SLC26A9: variants seen among roughly 807,000 people sequenced by gnomAD.
SLC26A9 encodes the protein anion transporter/exchanger protein 9.
Under a neutral mutation model 87.1 loss-of-function variants are expected in SLC26A9, and 46 were observed. The ratio of observed to expected loss-of-function variants is 0.53; its 90% CI spans 0.42 to 0.67. SLC26A9 has a LOEUF of 0.67. Among genes scored for constraint, SLC26A9 ranks in the 30% least tolerant of loss-of-function variants. The pLI, the probability that SLC26A9 is intolerant of heterozygous loss-of-function variation, is 0.00. For synonymous variants in SLC26A9, 437 were observed against 409.1 expected (o/e 1.07, Z -0.82); for missense variants, 927 against 1,018.3 (o/e 0.91, Z 1.22).
intron 12 of SLC26A9, 80 bp downstream of exon 12, chr1:205,926,455 T>C: frequency 1.7e-6 from 2 of 1,199,322 alleles, no homozygotes; most frequent in Non-Finnish European, 2.5e-6. Context: ...GGTTCATTGT[T>C]AGGACAGGGC....
chr1:205,925,254 G>A lies in SLC26A9; in HGVS notation c.1390-765C>T, dbSNP rs375732406. ...GTTCCCTCTCTCTGTCTCACAGCGA[G>A]CTGCGTGGGCCCTGACAGGAGCTCA... is the stretch of plus-strand genomic sequence containing the variant. On this transcript the variant is annotated intron_variant, in intron 12 of 20. Transcript: ENST00000367135. Among the ~76,000 whole-genome samples the A allele has an allele frequency of 1.4e-3, 220 of 152,370 alleles. 2 individuals are homozygous for A. In the South Asian group the frequency reaches 0.015, roughly 10 times the overall value.
chr1:205,918,803 C>T (rs2102572109), intron 19 of SLC26A9, 37 bp downstream of exon 19: 1 of 1,596,398 alleles, frequency 6.3e-7, no homozygotes, highest in Admixed American at 1.7e-5. Context: ...ATTTCAGTGC[C>T]TTGGAGCCTA....
At chr1:205,929,086 C>A in intron 7 of SLC26A9, 118 bp downstream of exon 7, 2 of 1,508,126 alleles carry the variant, frequency 1.3e-6, no homozygotes, top group Admixed American at 1.9e-5. Context: ...GGGATGGATT[C>A]ACAACTGACT....
rs530674451 is a variant in SLC26A9 at position 205,943,012 on chromosome 1, C to T, written c.-19+353G>A. Among the ~76,000 whole-genome samples the T allele has an allele frequency of 1.5e-4, 23 of 152,310 alleles. No homozygotes were observed. The South Asian group carries it at 2.7e-3, about 18-fold the overall frequency. Reference sequence around the variant, plus strand: ...TGAAAAGAAAGGGAGAGGAGCAGCCCACAGCTTCAAAGGCTGTCGCGGAGG... The same window carrying T: ...TGAAAAGAAAGGGAGAGGAGCAGCCTACAGCTTCAAAGGCTGTCGCGGAGG... On this transcript the variant is annotated intron_variant, in intron 1 of 20. Transcript: ENST00000367135.
rs76506634 is a variant in SLC26A9 at position 205,927,763 on chromosome 1, A to C, written c.1101+139T>G. The C allele has an allele frequency of 7.6e-6, 11 of 1,445,338 alleles. No individual in the cohort carries two copies. In the Admixed American group the frequency reaches 2.2e-4, roughly 29 times the overall value. 89.5% of individuals were successfully genotyped at this position (1,445,338 alleles called of 1,614,324 possible). Reference sequence around the variant, plus strand: ...CCAGTCAAGAGGAGGTCAGCCTCTTAGGGTCAGAGGACCCCCTATCCCCCA... The same window carrying C: ...CCAGTCAAGAGGAGGTCAGCCTCTTCGGGTCAGAGGACCCCCTATCCCCCA... On this transcript the variant is annotated intron_variant, in intron 9 of 20. Transcript: ENST00000367135.
intron 13 of SLC26A9, among the ~76,000 whole-genome samples, chr1:205,923,851 G>A (rs74941717): frequency 0.01 from 1,529 of 152,312 alleles, 24 homozygotes; most frequent in African/African-American, 0.035. Flanking sequence ...GGGCAGGGGA[G>A]AGAAGTGGTG....
intron 5 of SLC26A9, among the ~76,000 whole-genome samples, chr1:205,930,804 C>G (rs1222300818): frequency 6.6e-6 from 1 of 152,182 alleles, no homozygotes; most frequent in Non-Finnish European, 1.5e-5. Flanking sequence ...TACCTTGTTC[C>G]TGGTTAAGTT....
rs1178299814 is a variant in SLC26A9, at chr1:205,915,275, C to T, written c.*82G>A. ...GGGATGCACTTTCCTCCGCCCGACA[C>T]CCCCTGTGACCCCAGGCTCATCCTT... On this transcript the variant is annotated 3_prime_UTR_variant, in exon 21 of 21. Transcript: ENST00000367135. The T allele has an allele frequency of 1.9e-6, 3 of 1,603,326 alleles. No homozygotes were observed. The highest frequency in any genetic ancestry group is 2.6e-6 in the Non-Finnish European group (3 of 1,173,738).
chr1:205,927,062 T>TA (rs1659100372), intron 11 of SLC26A9, 149 bp downstream of exon 11: 1 of 790,432 alleles, frequency 1.3e-6, no homozygotes, highest in Admixed American at 2.3e-5. Context: ...ATGGGGAGGA[T>TA]AAAACCTGCA....
intron 1 of SLC26A9, among the ~76,000 whole-genome samples, chr1:205,936,193 C>A (rs915643561): frequency 5.9e-5 from 9 of 152,174 alleles, no homozygotes; most frequent in African/African-American, 1.4e-4. Context: ...ACCCTCCCCT[C>A]CCCTGACCCC....
At chr1:205,929,483 A>G in intron 6 of SLC26A9, 127 bp from the exon 7 acceptor site, 2 of 1,404,140 alleles carry the variant, frequency 1.4e-6, no homozygotes, top group Non-Finnish European at 1.9e-6. Flanking sequence ...CAGAATTAAA[A>G]CCCTGATCAG....
chr1:205,938,011 A>G (rs1659587997), intron 1 of SLC26A9, among the ~76,000 whole-genome samples: 1 of 152,226 alleles, frequency 6.6e-6, no homozygotes, highest in South Asian at 2.1e-4. Context: ...TCCCTGAAGT[A>G]TGTTCCTAGG....
intron 11 of SLC26A9, among the ~76,000 whole-genome samples, chr1:205,926,880 C>T (rs1659093679): frequency 6.6e-6 from 1 of 152,182 alleles, no homozygotes; most frequent in African/African-American, 2.4e-5. Flanking sequence ...GCCTAGAGCC[C>T]TCCTAGCTGG....
Position 205,922,978 on chromosome 1 carries a change from T to C in SLC26A9, c.1773+104A>G, listed in dbSNP as rs542113287. On this transcript the variant is annotated intron_variant, in intron 16 of 20. Coordinates refer to ENST00000367135, the MANE Select transcript of SLC26A9 (RefSeq NM_052934.4). ...TTCCCAGAGACTTTCTGTCTTTGCCTGTCAGGGTGGGAAGCGGGGCCCCCA... is the reference window on the plus strand; with the variant it reads ...TTCCCAGAGACTTTCTGTCTTTGCCCGTCAGGGTGGGAAGCGGGGCCCCCA... 1.6e-5 allele frequency: 15 copies of C among 936,658 alleles called. No individual in the cohort carries two copies. In the African/African-American group the frequency reaches 2.4e-4, roughly 15 times the overall value. The allele number at this position is 936,658 out of a possible 1,614,324, so 58.0% of individuals were successfully genotyped here.
At chr1:205,942,104 G>T (rs1659772125) in intron 1 of SLC26A9, among the ~76,000 whole-genome samples, 1 of 152,188 alleles carries the variant, frequency 6.6e-6, no homozygotes, top group African/African-American at 2.4e-5. Context: ...TGTTTAGTAC[G>T]GTTTAAGAGG....
At chr1:205,931,787 C>A in intron 5 of SLC26A9, 73 bp downstream of exon 5, 1 of 1,526,856 alleles carries the variant, frequency 6.5e-7, no homozygotes, top group South Asian at 1.3e-5. Context: ...GATTTAGCAT[C>A]AAAGCTAAGG....
intron 5 of SLC26A9, among the ~76,000 whole-genome samples, chr1:205,931,433 T>G (rs906879073): frequency 7.0e-6 from 1 of 142,610 alleles, no homozygotes; most frequent in South Asian, 2.3e-4. Flanking sequence ...AGCCCTGGGA[T>G]GGGGAGGAGG....
intron 4 of SLC26A9, 49 bp from the exon 5 acceptor site, chr1:205,932,084 G>T (rs149259704): frequency 6.2e-7 from 1 of 1,600,288 alleles, no homozygotes; most frequent in African/African-American, 1.3e-5. Context: ...GAACCACACC[G>T]ATGGAAACCA....
Position 205,915,270 on chromosome 1 carries a change from C to T in SLC26A9, c.*87G>A, listed in dbSNP as rs763810662. ...TCTGGGGGATGCACTTTCCTCCGCC[C>T]GACACCCCCTGTGACCCCAGGCTCA... On this transcript the variant is annotated 3_prime_UTR_variant, in exon 21 of 21. Transcript: ENST00000367135. 52 of 1,601,678 alleles carry T rather than the reference C, an allele frequency of 3.2e-5. 1 individual carries two copies. Among genetic ancestry groups the T allele is most frequent in the Middle Eastern group, 3.3e-4 (2 of 6,022 alleles).
Sources: gnomAD v4.1 joint callset for allele counts (sites outside exome capture counted in the v4.1 genomes callset) on GRCh38, gnomAD v4.1.1 for gene constraint, MANE v1.5 for transcripts, NCBI Gene and HGNC (gene_info 2026-07-23, HGNC 2026-07-21) for gene names.